Variants in PIEZO1 observed in about 807,000 individuals in gnomAD.
The protein encoded by PIEZO1 is piezo-type mechanosensitive ion channel component 1.
PIEZO1 carries 296 observed loss-of-function variants against 297.2 expected under a neutral mutation model. The observed-to-expected ratio is 1.00, with a 90% CI of 0.91 to 1.10. PIEZO1 has a LOEUF of 1.10. Among genes scored for constraint, PIEZO1 ranks in the 50% least tolerant of loss-of-function variants. The pLI is 0.00. For missense variants in PIEZO1, 5,018 were observed against 3,455.5 expected (o/e 1.45, Z -11.34); for synonymous variants, 2,427 against 1,507.5 (o/e 1.61, Z -14.13).
chr16:88,736,179 G>A lies in PIEZO1; in HGVS notation c.1526C>T (p.Thr509Ile). Reference sequence around the variant, plus strand: ...ACCAAGGTCCAGACAGGGGTAGCGGGTGTGCTCCAGCCCCAGCTGGCGCAG... The same window carrying A: ...ACCAAGGTCCAGACAGGGGTAGCGGATGTGCTCCAGCCCCAGCTGGCGCAG... Reference protein sequence around the residue: ...VSLRQLGLEHTRYPCLDLGAM... With the variant: ...VSLRQLGLEHIRYPCLDLGAM... Residue 509 changes from threonine to isoleucine, a missense_variant, in exon 12 of 51, where the codon ACC becomes ATC. Coordinates refer to ENST00000301015, the MANE Select transcript of PIEZO1 (RefSeq NM_001142864.4). 1 of 1,548,918 alleles carries A rather than the reference G, an allele frequency of 6.5e-7. No homozygotes were observed. The highest frequency in any genetic ancestry group is 1.2e-5 in the South Asian group (1 of 83,974).
At position 88,742,548 on chromosome 16, in the gene PIEZO1, G is replaced by A. The variant is rs1238370279; in HGVS notation, c.161-126C>T. 61 of 955,460 alleles carry A rather than the reference G, an allele frequency of 6.4e-5. 1 individual carries two copies. The highest frequency in any genetic ancestry group is 1.1e-4 in the Admixed American group (4 of 35,064). 59.2% of individuals were successfully genotyped at this position (955,460 alleles called of 1,614,324 possible). ...GAGGCCTGAGATGCAAACCCGCCAT[G>A]GACTCAGGACCCCATCAGGCAGGCC... is the stretch of plus-strand genomic sequence containing the variant. On this transcript the variant is annotated intron_variant, in intron 2 of 50. Coordinates refer to ENST00000301015, the MANE Select transcript of PIEZO1 (RefSeq NM_001142864.4).
rs1270518091 is a variant in PIEZO1, at chr16:88,721,532, A to G, written c.5403+6T>C. The G allele has an allele frequency of 1.3e-6, 2 of 1,546,144 alleles. No homozygotes were observed. Among genetic ancestry groups the G allele is most frequent in the Non-Finnish European group, 1.7e-6 (2 of 1,144,428 alleles). On this transcript the variant is annotated splice_donor_region_variant and intron_variant, in intron 38 of 50. Coordinates refer to ENST00000301015, the MANE Select transcript of PIEZO1 (RefSeq NM_001142864.4). ...CCCCGCATTGCCAGCCAAGGCTCACACTCACCAGCAGCTGGGAGCGGTGGA... is the reference window on the plus strand; with the variant it reads ...CCCCGCATTGCCAGCCAAGGCTCACGCTCACCAGCAGCTGGGAGCGGTGGA...
chr16:88,724,381 A>G (rs987787243), intron 30 of PIEZO1, among the ~76,000 whole-genome samples: 6 of 152,104 alleles, frequency 3.9e-5, no homozygotes, highest in African/African-American at 1.2e-4. Context: ...AAATACGAAA[A>G]TTAGCTGGGC....
rs765884124 is a variant in PIEZO1 at position 88,736,153 on chromosome 16, C to T, written c.1552G>A (p.Ala518Thr). 2 of 1,544,506 alleles carry T rather than the reference C, an allele frequency of 1.3e-6. No homozygotes were observed. The highest frequency in any genetic ancestry group is 1.4e-5 in the African/African-American group (1 of 73,072). ...HTRYPCLDLGAMLLYTLTFWL... is the reference protein window; with the variant it reads ...HTRYPCLDLGTMLLYTLTFWL... ...ATGTGGTGGTGCACACTCACCATGG[C>T]ACCAAGGTCCAGACAGGGGTAGCGG... The change falls in exon 12 of 51, where the codon GCC (alanine) becomes ACC (threonine). Residue 518 changes from alanine to threonine, a missense_variant. Ala to Thr is a moderately conservative substitution (Grantham distance 58, BLOSUM62 0). Transcript: ENST00000301015.
At position 88,716,380 on chromosome 16, in the gene PIEZO1, C is replaced by T. The variant is rs1912033391; in HGVS notation, c.7030G>A (p.Gly2344Ser). 7.1e-6 allele frequency: 11 copies of T among 1,545,138 alleles called. No homozygotes were observed. The highest frequency in any genetic ancestry group is 2.0e-5 in the Admixed American group (1 of 50,546). ...ACTCACACAGACTGGTCCGAGGTGC[C>T]CTCGAGCAGGCTGGCCAGCTGCCGC... Reference protein sequence around the residue: ...ARRQLASLLEGTSDQSVVIPN... With the variant: ...ARRQLASLLESTSDQSVVIPN... The change falls in exon 48 of 51, where the codon GGC becomes AGC. Residue 2344 changes from glycine to serine, a missense_variant. Physicochemically the swap from Gly to Ser is moderately conservative, Grantham distance 56. Coordinates refer to ENST00000301015, the MANE Select transcript of PIEZO1 (RefSeq NM_001142864.4).
intron 1 of PIEZO1, among the ~76,000 whole-genome samples, chr16:88,760,058 C>A (rs1345470216): frequency 2.0e-5 from 3 of 152,220 alleles, no homozygotes; most frequent in African/African-American, 7.2e-5. Context: ...CCCCAGCGGA[C>A]GTGACACCTG....
At chr16:88,781,210 C>T (rs1907919737) in intron 1 of PIEZO1, among the ~76,000 whole-genome samples, 3 of 152,162 alleles carry the variant, frequency 2.0e-5, no homozygotes, top group Admixed American at 6.5e-5. Context: ...AATGCACTGC[C>T]GAGTCAGCAC....
intron 1 of PIEZO1, among the ~76,000 whole-genome samples, chr16:88,781,792 C>G (rs1217811586): frequency 6.6e-6 from 1 of 152,256 alleles, no homozygotes; most frequent in Non-Finnish European, 1.5e-5. Context: ...TCGGCCGCCT[C>G]CCAGGAGTGG....
At chr16:88,735,464 G>A (rs1905147306) in intron 12 of PIEZO1, among the ~76,000 whole-genome samples, 1 of 152,254 alleles carries the variant, frequency 6.6e-6, no homozygotes, top group South Asian at 2.1e-4. Context: ...TGAGTGCATG[G>A]GTTCACTTGC....
intron 13 of PIEZO1, 23 bp downstream of exon 13, chr16:88,735,112 C>A: frequency 6.5e-7 from 1 of 1,549,824 alleles, no homozygotes; most frequent in Non-Finnish European, 8.7e-7. Context: ...GAGGGCAACC[C>A]CCGCCTCTGG....
chr16:88,746,180 A>G (rs918293034), intron 2 of PIEZO1, among the ~76,000 whole-genome samples: 48 of 152,132 alleles, frequency 3.2e-4, no homozygotes, highest in African/African-American at 1.1e-3. Flanking sequence ...TAGGGCCACG[A>G]GAGGGGCCTT....
chr16:88,725,339 C>T, intron 29 of PIEZO1, 77 bp downstream of exon 29: 2 of 932,154 alleles, frequency 2.1e-6, no homozygotes, highest in Admixed American at 3.0e-5. Flanking sequence ...GTCACATGGG[C>T]ACAGACGCAG....
chr16:88,776,391 G>A (rs1408030641), intron 1 of PIEZO1, among the ~76,000 whole-genome samples: 2 of 151,990 alleles, frequency 1.3e-5, no homozygotes, highest in Admixed American at 6.5e-5. Context: ...CCCAGACTGG[G>A]CCACTGCACT....
intron 1 of PIEZO1, among the ~76,000 whole-genome samples, chr16:88,773,782 G>A (rs527458761): frequency 1.3e-4 from 20 of 152,050 alleles, no homozygotes; most frequent in South Asian, 4.2e-4. Context: ...TGAGGGCTCC[G>A]GCCACCCTGC....
At chr16:88,776,425 C>G (rs1358229748) in intron 1 of PIEZO1, among the ~76,000 whole-genome samples, 1 of 150,844 alleles carries the variant, frequency 6.6e-6, no homozygotes, top group Non-Finnish European at 1.5e-5. Flanking sequence ...CAGAGCGAGA[C>G]TCTGTCTCAA....
In PIEZO1 at chr16:88,719,961, C is replaced by T; in HGVS notation, c.6165-1G>A. The T allele has an allele frequency of 6.5e-7, 1 of 1,550,240 alleles. No homozygotes were observed. Among genetic ancestry groups the T allele is most frequent in the Non-Finnish European group, 8.7e-7 (1 of 1,146,900 alleles). On this transcript the variant is annotated splice_acceptor_variant, in intron 42 of 50. Coordinates refer to ENST00000301015, the MANE Select transcript of PIEZO1 (RefSeq NM_001142864.4). LOFTEE classifies it high-confidence loss of function. Reference sequence around the variant, plus strand: ...GGCCACCACATTCTGGTTGAACATCCTGGGGCGGGATGGCCAGGTCAAGGA... The same window carrying T: ...GGCCACCACATTCTGGTTGAACATCTTGGGGCGGGATGGCCAGGTCAAGGA...
chr16:88,725,603 C>T lies in PIEZO1; in HGVS notation c.4050G>A (p.Leu1350=). Residue 1350 remains leucine, a synonymous_variant, in exon 28 of 51, where the codon CTG becomes CTA. Coordinates refer to ENST00000301015, the MANE Select transcript of PIEZO1 (RefSeq NM_001142864.4). ...RRIEEKSLAQ[L]KRQMERIRAK... ...GCCCCAGAGGCACCTACTGTCTTTT[C>T]AGCTGGGCCAGGGACTTCTCCTCTA... The T allele has an allele frequency of 5.8e-6, 9 of 1,548,458 alleles. No homozygotes were observed. The highest frequency in any genetic ancestry group is 7.9e-6 in the Non-Finnish European group (9 of 1,145,066).
intron 39 of PIEZO1, 138 bp downstream of exon 39, chr16:88,721,028 G>T: frequency 1.1e-6 from 1 of 925,648 alleles, no homozygotes; most frequent in Non-Finnish European, 1.6e-6. Flanking sequence ...GGGAGCTGTG[G>T]CTCAGAAGTG....
At chr16:88,723,712 A>G (rs970036696) in intron 31 of PIEZO1, among the ~76,000 whole-genome samples, 159 bp downstream of exon 31, 1 of 152,226 alleles carries the variant, frequency 6.6e-6, no homozygotes, top group African/African-American at 2.4e-5. Context: ...CTGGTTTCCC[A>G]TGGGACTTGG....
Sources: gnomAD v4.1 joint callset for allele counts (sites outside exome capture counted in the v4.1 genomes callset) on GRCh38, gnomAD v4.1.1 for gene constraint, MANE v1.5 for transcripts, NCBI Gene and HGNC (gene_info 2026-07-23, HGNC 2026-07-21) for gene names.